The following AMZ2 variants were observed in gnomAD, a reference collection of about 807,000 sequenced individuals.
AMZ2 encodes archaemetzincin-2.
A neutral mutation model predicts 36.7 loss-of-function variants in AMZ2; 26 were observed. That is an observed-to-expected ratio of 0.71 (90% CI 0.52 to 0.98). AMZ2 has a LOEUF of 0.98. Ranked by LOEUF, AMZ2 falls within the 50% of genes least tolerant of loss-of-function variation. The pLI, the probability that AMZ2 is intolerant of heterozygous loss-of-function variation, is 0.00. For missense variants in AMZ2, 394 were observed against 430.5 expected (o/e 0.92, Z 0.75); for synonymous variants, 144 against 149.1 (o/e 0.97, Z 0.25).
chr17:68,248,069 G>A lies in AMZ2; in HGVS notation c.-637G>A. 1.0e-6 allele frequency: 1 copy of A among 986,188 alleles called. No individual in the cohort carries two copies. Among genetic ancestry groups the A allele is most frequent in the Non-Finnish European group, 1.2e-6 (1 of 830,446 alleles). 61.1% of individuals were successfully genotyped at this position (986,188 alleles called of 1,614,324 possible). On this transcript the variant is annotated 5_prime_UTR_variant, in exon 1 of 7. Transcript: ENST00000359904. ...GTGCGAAGGGACGCGGTGCGCATGC[G>A]CGTGAGGGCTGCCGCGGGTGGGTGG...
At chr17:68,219,250 C>T (rs1162830762) in intron 1 of AMZ2, among the ~76,000 whole-genome samples, 1 of 152,208 alleles carries the variant, frequency 6.6e-6, no homozygotes, top group Non-Finnish European at 1.5e-5. Flanking sequence ...CAGGTGTGAG[C>T]CACCGTGCCC....
chr17:68,226,550 C>T (rs1418904406), intron 1 of AMZ2, among the ~76,000 whole-genome samples: 4 of 152,234 alleles, frequency 2.6e-5, no homozygotes, highest in Non-Finnish European at 5.9e-5. Context: ...TCATGGGCCA[C>T]CTGTCAGCCA....
intron 1 of AMZ2, among the ~76,000 whole-genome samples, chr17:68,209,748 G>C (rs2072984390): frequency 6.7e-6 from 1 of 150,064 alleles, no homozygotes; most frequent in African/African-American, 2.5e-5. Context: ...AGCCTCCTGA[G>C]AAGCTGGGAT....
chr17:68,252,291 T>C (rs11077449), intron 4 of AMZ2, among the ~76,000 whole-genome samples: 22,728 of 152,120 alleles, frequency 0.15, 1,794 homozygotes, highest in East Asian at 0.18. Context: ...GGCTGTAGGG[T>C]TATAGAGCCT....
At chr17:68,224,699 C>T (rs1555729444) in intron 1 of AMZ2, among the ~76,000 whole-genome samples, 1 of 152,054 alleles carries the variant, frequency 6.6e-6, no homozygotes, top group East Asian at 1.9e-4. Flanking sequence ...GCGACAACAT[C>T]TGGTTAATTT....
At chr17:68,216,052 G>A (rs2073186013) in intron 1 of AMZ2, among the ~76,000 whole-genome samples, 1 of 152,206 alleles carries the variant, frequency 6.6e-6, no homozygotes. Flanking sequence ...GCCTCACAGT[G>A]TCCTAAGCAT....
At chr17:68,253,234 C>T (rs1232749474) in intron 4 of AMZ2, among the ~76,000 whole-genome samples, 1 of 152,146 alleles carries the variant, frequency 6.6e-6, no homozygotes, top group East Asian at 1.9e-4. Context: ...AGAATGCTAT[C>T]TTTGCTTAAT....
chr17:68,255,275 C>T (rs1479799230), intron 5 of AMZ2, among the ~76,000 whole-genome samples: 2 of 152,084 alleles, frequency 1.3e-5, no homozygotes, highest in Non-Finnish European at 2.9e-5. Flanking sequence ...AGAATTACAA[C>T]AAGTACCCTA....
In AMZ2 at chr17:68,254,542, G is replaced by C. The variant is rs141317093; in HGVS notation, c.725G>C (p.Ser242Thr). Reference protein sequence around the residue: ...FDNYYIPEITSVLLLRSCKTL... With the variant: ...FDNYYIPEITTVLLLRSCKTL... ...AACTATTATATTCCAGAAATAACTA[G>C]TGTTTTACTACTTCGATCCTGTAAG... The change falls in exon 5 of 7, where the codon AGT becomes ACT. Residue 242 changes from serine to threonine, a missense_variant. By Grantham distance (58) the Ser-to-Thr change is moderately conservative. Coordinates refer to ENST00000359904, the MANE Select transcript of AMZ2 (RefSeq NM_016627.5). The C allele has an allele frequency of 1.6e-5, 25 of 1,612,358 alleles. No homozygotes were observed. The highest frequency in any genetic ancestry group is 2.2e-5 in the East Asian group (1 of 44,860).
chr17:68,237,945 G>A (rs1366661203), intron 1 of AMZ2, among the ~76,000 whole-genome samples: 2 of 152,188 alleles, frequency 1.3e-5, no homozygotes, highest in Non-Finnish European at 2.9e-5. Flanking sequence ...AGTGAAGTGG[G>A]TCGCTGTCGC....
upstream of AMZ2, chr17:68,247,998 G>T (rs1461717012): frequency 9.1e-6 from 9 of 985,964 alleles, no homozygotes; most frequent in Non-Finnish European, 1.1e-5. Flanking sequence ...CAGCGGCGCG[G>T]CGCGTGGCGT....
chr17:68,212,242 C>T (rs1182990951), intron 1 of AMZ2, among the ~76,000 whole-genome samples: 10 of 152,244 alleles, frequency 6.6e-5, no homozygotes, highest in East Asian at 3.9e-4. Flanking sequence ...CATGGTGGCA[C>T]GTGCCTGTAG....
intron 1 of AMZ2, among the ~76,000 whole-genome samples, chr17:68,223,214 G>T (rs1207578267): frequency 3.9e-5 from 6 of 152,186 alleles, no homozygotes; most frequent in Non-Finnish European, 8.8e-5. Context: ...AGAATAAGGA[G>T]ATCATGCCCT....
intron 1 of AMZ2, among the ~76,000 whole-genome samples, chr17:68,218,115 A>G (rs1337446562): frequency 6.6e-6 from 1 of 152,180 alleles, no homozygotes; most frequent in Non-Finnish European, 1.5e-5. Context: ...TCCGGCCAAA[A>G]AAAAGGTTCT....
At chr17:68,207,866 G>T (rs2072888910) in intron 1 of AMZ2, among the ~76,000 whole-genome samples, 1 of 152,248 alleles carries the variant, frequency 6.6e-6, no homozygotes, top group South Asian at 2.1e-4. Context: ...AGGGAGAGGC[G>T]CAGGCGGGAA....
intron 1 of AMZ2, among the ~76,000 whole-genome samples, chr17:68,219,902 C>T (rs1464864147): frequency 2.6e-5 from 4 of 152,158 alleles, no homozygotes; most frequent in Non-Finnish European, 5.9e-5. Context: ...GTGCTGTGAA[C>T]TCGACATTGC....
chr17:68,223,126 C>T (rs567866826), intron 1 of AMZ2, among the ~76,000 whole-genome samples: 6 of 152,096 alleles, frequency 3.9e-5, no homozygotes, highest in African/African-American at 9.6e-5. Context: ...ATTAATTGTC[C>T]GTTATTCTAA....
chr17:68,255,944 T>A (rs2074874971), intron 6 of AMZ2, 68 bp downstream of exon 6: 1 of 1,490,240 alleles, frequency 6.7e-7, no homozygotes. Flanking sequence ...CATGTTTCTA[T>A]TATATCCTTC....
intron 1 of AMZ2, among the ~76,000 whole-genome samples, chr17:68,232,738 G>A (rs530360700): frequency 3.4e-4 from 51 of 152,156 alleles, no homozygotes; most frequent in Non-Finnish European, 6.3e-4. Flanking sequence ...AGCTACTTGG[G>A]AGGCTGAGGC....
Sources: allele counts gnomAD v4.1 joint callset (sites outside exome capture counted in the v4.1 genomes callset), GRCh38; gene constraint gnomAD v4.1.1; transcripts MANE v1.5; gene names NCBI Gene and HGNC (gene_info 2026-07-23, HGNC 2026-07-21).